SMC2: variants seen among roughly 807,000 people sequenced by gnomAD.
SMC2 encodes structural maintenance of chromosomes 2.
In SMC2, 41 loss-of-function variants were observed where a neutral mutation model predicts 142.6. The observed-to-expected ratio is 0.29, with a 90% confidence interval of 0.22 to 0.37. The LOEUF is 0.37. Among genes scored for constraint, SMC2 ranks in the 10% least tolerant of loss-of-function variants. The pLI is 1.00. For synonymous variants in SMC2, 463 were observed against 457.5 expected (o/e 1.01, Z -0.15); for missense variants, 1,265 against 1,373.7 (o/e 0.92, Z 1.25).
At chr9:104,100,573 T>A in intron 7 of SMC2, 140 bp downstream of exon 7, 1 of 569,524 alleles carries the variant, frequency 1.8e-6, no homozygotes, top group East Asian at 3.0e-5. Context: ...TGGCACTCCA[T>A]AACTCAGCGT....
At chr9:104,124,853 T>G in intron 17 of SMC2, 59 bp from the exon 18 acceptor site, 1 of 1,344,188 alleles carries the variant, frequency 7.4e-7, no homozygotes, top group Non-Finnish European at 1.0e-6. Context: ...TATTAAAAGT[T>G]GAATTTGTCA....
chr9:104,102,056 A>G lies in SMC2; in HGVS notation c.733A>G (p.Thr245Ala). ...TTATCAGTTTTTGCTGGCTGAAGAT[A>G]CCAAAGTACGCTCAGCTGAGGAATT... Reference protein sequence around the residue: ...IAYQFLLAEDTKVRSAEELKE... With the variant: ...IAYQFLLAEDAKVRSAEELKE... The change falls in exon 8 of 25, where the codon ACC becomes GCC. Residue 245 changes from threonine to alanine, a missense_variant. Thr to Ala is a moderately conservative substitution (Grantham distance 58). Around this residue, in one of 4 missense-constraint regions of SMC2, gnomAD observed 898 missense variants for 904.2 expected, o/e 0.99. Transcript: ENST00000374793. The G allele has an allele frequency of 2.5e-6, 4 of 1,612,592 alleles. No homozygotes were observed. Among genetic ancestry groups the G allele is most frequent in the Non-Finnish European group, 3.4e-6 (4 of 1,178,850 alleles).
chr9:104,134,352 T>G (rs1010857589), intron 22 of SMC2, 63 bp from the exon 23 acceptor site: 13 of 1,279,144 alleles, frequency 1.0e-5, no homozygotes, highest in Non-Finnish European at 1.4e-5. Context: ...TATACATATA[T>G]CAACAATTGA....
At chr9:104,118,415 T>G in intron 15 of SMC2, 40 bp downstream of exon 15, 1 of 1,529,838 alleles carries the variant, frequency 6.5e-7, no homozygotes, top group Non-Finnish European at 9.0e-7. Context: ...TTCTTTGTGG[T>G]AAATAGGAAG....
intron 11 of SMC2, 148 bp from the exon 12 acceptor site, chr9:104,113,816 A>C: frequency 1.8e-6 from 1 of 553,944 alleles, no homozygotes; most frequent in Non-Finnish European, 3.1e-6. Flanking sequence ...CAGTGGATAG[A>C]AATAGGAAGG....
At chr9:104,126,844 G>A in intron 19 of SMC2, 60 bp downstream of exon 19, 3 of 1,457,950 alleles carry the variant, frequency 2.1e-6, no homozygotes, top group Non-Finnish European at 2.8e-6. Context: ...TGAAACATTA[G>A]CTTAAGATGT....
chr9:104,109,474 T>G (rs1238485268), intron 9 of SMC2, among the ~76,000 whole-genome samples: 1 of 152,244 alleles, frequency 6.6e-6, no homozygotes, highest in East Asian at 1.9e-4. Flanking sequence ...GATAATGTTC[T>G]TATTAGTTGC....
intron 18 of SMC2, among the ~76,000 whole-genome samples, chr9:104,126,058 G>T (rs1177874644): frequency 3.9e-5 from 6 of 152,166 alleles, no homozygotes. Flanking sequence ...ATTCTCAGAG[G>T]AGTGCAGACC....
chr9:104,094,166 T>C, upstream of SMC2: 1 of 384,618 alleles, frequency 2.6e-6, no homozygotes, highest in Non-Finnish European at 4.6e-6. Flanking sequence ...GGAGCTACCA[T>C]TATCGAGACT....
At chr9:104,115,973 C>T (rs1348320974) in intron 13 of SMC2, among the ~76,000 whole-genome samples, 5 of 151,342 alleles carry the variant, frequency 3.3e-5, no homozygotes, top group Non-Finnish European at 5.9e-5. Context: ...ATTTTTTCTT[C>T]GTCTGATTAT....
chr9:104,100,843 G>T (rs1177581663), intron 7 of SMC2, among the ~76,000 whole-genome samples: 3 of 152,154 alleles, frequency 2.0e-5, no homozygotes, highest in Non-Finnish European at 2.9e-5. Flanking sequence ...GTAAGCAAAA[G>T]GTATTGAAAC....
Position 104,096,223 on chromosome 9 carries a change from A to G in SMC2, c.244A>G (p.Thr82Ala), listed in dbSNP as rs1342421682. Residue 82 changes from threonine to alanine, a missense_variant, in exon 3 of 25, where the codon ACT (threonine) becomes GCT (alanine). Thr to Ala is a moderately conservative substitution (Grantham distance 58, BLOSUM62 0). Transcript: ENST00000374793. Reference protein sequence around the residue: ...AGITKASVSITFDNSDKKQSP... With the variant: ...AGITKASVSIAFDNSDKKQSP... ...TATTACCAAAGCCTCTGTGTCAATC[A>G]CTTTTGATAATTCTGACAAAAAGCA... is the stretch of plus-strand genomic sequence containing the variant. 17 of 1,613,826 alleles carry G rather than the reference A, an allele frequency of 1.1e-5. No homozygotes were observed. Among genetic ancestry groups the G allele is most frequent in the African/African-American group, 1.3e-5 (1 of 74,940 alleles).
At chr9:104,126,920 C>T in intron 19 of SMC2, 136 bp downstream of exon 19, 1 of 896,446 alleles carries the variant, frequency 1.1e-6, no homozygotes, top group South Asian at 1.8e-5. Flanking sequence ...ATAGCTTTTA[C>T]TCATCCAGAA....
intron 9 of SMC2, among the ~76,000 whole-genome samples, chr9:104,107,919 C>T (rs1171425505): frequency 6.6e-6 from 1 of 152,124 alleles, no homozygotes; most frequent in Non-Finnish European, 1.5e-5. Flanking sequence ...TCTTGAGTAA[C>T]TTATGAGGTC....
chr9:104,122,433 A>C (rs1345620509), intron 16 of SMC2, among the ~76,000 whole-genome samples: 1 of 152,008 alleles, frequency 6.6e-6, no homozygotes, highest in Non-Finnish European at 1.5e-5. Flanking sequence ...TCTTCAGGCA[A>C]GAATACTCAA....
intron 16 of SMC2, 51 bp downstream of exon 16, chr9:104,120,213 G>A (rs554654574): frequency 1.4e-6 from 2 of 1,464,770 alleles, no homozygotes; most frequent in East Asian, 2.5e-5. Context: ...AGTAGAAAAT[G>A]ATAGAAAATT....
Position 104,120,917 on chromosome 9 carries a change from G to A in SMC2, c.2132+755G>A, listed in dbSNP as rs576798160. On this transcript the variant is annotated intron_variant, in intron 16 of 24. Coordinates refer to ENST00000374793, the MANE Select transcript of SMC2 (RefSeq NM_006444.3). ...TCTAGTTTTTTCTTGTTGGAGAAGCGGATGATAAAGAAAGATAAATTGGTA... is the reference window on the plus strand; with the variant it reads ...TCTAGTTTTTTCTTGTTGGAGAAGCAGATGATAAAGAAAGATAAATTGGTA... Among the ~76,000 whole-genome samples, 14 of 152,128 alleles carry A rather than the reference G, an allele frequency of 9.2e-5. No individual in the cohort carries two copies. The East Asian group carries it at 9.7e-4, about 11-fold the overall frequency.
At chr9:104,137,405 C>G (rs2131578615) in intron 23 of SMC2, among the ~76,000 whole-genome samples, 1 of 152,132 alleles carries the variant, frequency 6.6e-6, no homozygotes, top group South Asian at 2.1e-4. Flanking sequence ...GAAAATAGTG[C>G]TGTGGAACCT....
At position 104,114,698 on chromosome 9, in the gene SMC2, G is replaced by C. The variant is rs528014102; in HGVS notation, c.1540G>C (p.Glu514Gln). The change falls in exon 13 of 25, where the codon GAG (glutamate) becomes CAG (glutamine). Residue 514 changes from glutamate to glutamine, a missense_variant. Glu to Gln is a conservative substitution (Grantham distance 29). Transcript: ENST00000374793. ...TCAACTTTTGTATTTCAGGGATCCAGAGAAGAACTGGAATAGAAATTGTGT... is the reference window on the plus strand; with the variant it reads ...TCAACTTTTGTATTTCAGGGATCCACAGAAGAACTGGAATAGAAATTGTGT... ...PNLRFAYKDP[E>Q]KNWNRNCVKG... The C allele has an allele frequency of 4.3e-5, 69 of 1,610,290 alleles. 1 individual carries two copies. The South Asian group carries it at 7.4e-4, about 17-fold the overall frequency.
Sources: gnomAD v4.1 joint callset for allele counts (sites outside exome capture counted in the v4.1 genomes callset) on GRCh38, gnomAD v4.1.1 for gene constraint, gnomAD v4.1.1 regional missense constraint, MANE v1.5 for transcripts, NCBI Gene and HGNC (gene_info 2026-07-23, HGNC 2026-07-21) for gene names.